The following FREM2 variants were observed in gnomAD, a reference collection of about 807,000 sequenced individuals.
FREM2 encodes the protein FRAS1 related extracellular matrix 2.
Under a neutral mutation model 219.9 loss-of-function variants are expected in FREM2, and 119 were observed. The observed-to-expected ratio is 0.54, with a 90% CI of 0.47 to 0.63. The LOEUF is 0.63. FREM2 is among the 30% of genes least tolerant of loss of function. The probability of loss-of-function intolerance (pLI) is 0.00; values close to 1 mark genes in which losing one functional copy is unlikely to be tolerated. For missense variants in FREM2, 4,030 were observed against 3,993.6 expected (o/e 1.01, Z -0.25); for synonymous variants, 1,562 against 1,522.8 (o/e 1.03, Z -0.60).
chr13:38,832,353 TTCA>T (rs1189185111), intron 6 of FREM2, among the ~76,000 whole-genome samples: 9 of 152,102 alleles, frequency 5.9e-5, no homozygotes, highest in African/African-American at 1.9e-4. Context: ...CAGGGAGAAG[TTCA>T]TCAACATTTT....
rs569787817 is a variant in FREM2, at chr13:38,838,220, G to A, written c.6020-8353G>A. On this transcript the variant is annotated intron_variant, in intron 6 of 23. Transcript: ENST00000280481. The stretch of plus-strand genomic sequence containing the variant: ...ATTTTATTTCTCCTTCACTTATGAA[G>A]CTTAGTTTGGCTGGATATGAAATTC... Among the ~76,000 whole-genome samples the A allele has an allele frequency of 9.9e-5, 15 of 152,224 alleles. No homozygotes were observed. In the East Asian group the frequency reaches 2.7e-3, roughly 27 times the overall value.
intron 6 of FREM2, among the ~76,000 whole-genome samples, chr13:38,825,003 A>G (rs1403255245): frequency 6.6e-6 from 1 of 152,072 alleles, no homozygotes; most frequent in Non-Finnish European, 1.5e-5. Context: ...GGGCTAGATC[A>G]GATCTCCCTC....
chr13:38,754,011 G>A (rs1280345714), intron 2 of FREM2, among the ~76,000 whole-genome samples: 1 of 128,810 alleles, frequency 7.8e-6, no homozygotes, highest in East Asian at 2.4e-4. Context: ...ATGGAGCTGG[G>A]GGAGGGGGCT....
At chr13:38,760,360 A>G (rs1002971281) in intron 2 of FREM2, among the ~76,000 whole-genome samples, 4 of 152,232 alleles carry the variant, frequency 2.6e-5, no homozygotes, top group Admixed American at 6.5e-5. Context: ...CTGATTAACC[A>G]GTAACCTGGC....
In FREM2 at chr13:38,786,315, T is replaced by C. The variant is rs1332671166; in HGVS notation, c.6019+1507T>C. 2.6e-5 allele frequency among the ~76,000 whole-genome samples: 4 copies of C among 152,188 alleles called. No individual in the cohort carries two copies. The East Asian group carries it at 7.7e-4, about 29-fold the overall frequency. On this transcript the variant is annotated intron_variant, in intron 6 of 23. Transcript: ENST00000280481. The stretch of plus-strand genomic sequence containing the variant: ...ACAACATCTGTGTTTTTACTGAAAA[T>C]GTTTGAAAACACGAAAAATTAGAAA...
chr13:38,703,839 T>C (rs181954475), intron 2 of FREM2, among the ~76,000 whole-genome samples: 1 of 152,328 alleles, frequency 6.6e-6, no homozygotes, highest in East Asian at 1.9e-4. Context: ...TAGGAAGATT[T>C]CTAGAAATTT....
At chr13:38,719,500 C>T (rs948600667) in intron 2 of FREM2, among the ~76,000 whole-genome samples, 1 of 152,112 alleles carries the variant, frequency 6.6e-6, no homozygotes, top group Non-Finnish European at 1.5e-5. Flanking sequence ...GGATTTCAGG[C>T]GTGAGCCACT....
At chr13:38,733,614 TTA>T (rs201681739) in intron 2 of FREM2, among the ~76,000 whole-genome samples, 5,636 of 152,230 alleles carry the variant, frequency 0.037, 154 homozygotes, top group Admixed American at 0.09. Flanking sequence ...TCAAGAAACT[TTA>T]TATATATTTA....
chr13:38,749,126 A>T (rs1299835874), intron 2 of FREM2, among the ~76,000 whole-genome samples: 1 of 152,138 alleles, frequency 6.6e-6, no homozygotes, highest in Admixed American at 6.5e-5. Flanking sequence ...TAAAACATCT[A>T]ACATGGAAAT....
intron 6 of FREM2, among the ~76,000 whole-genome samples, chr13:38,834,198 G>A (rs908613616): frequency 6.6e-6 from 1 of 151,082 alleles, no homozygotes; most frequent in African/African-American, 2.4e-5. Context: ...GCCCCAGTGT[G>A]TGATGTTCCC....
At position 38,688,480 on chromosome 13, in the gene FREM2, C is replaced by T. The variant is rs1869611758; in HGVS notation, c.1136C>T (p.Pro379Leu). The T allele has an allele frequency of 6.2e-7, 1 of 1,614,154 alleles. No homozygotes were observed. The highest frequency in any genetic ancestry group is 8.5e-7 in the Non-Finnish European group (1 of 1,180,022). The change falls in exon 1 of 24, where the codon CCC becomes CTC. Residue 379 changes from proline to leucine, a missense_variant. This residue lies in a region of FREM2 where 3,102 missense variants were observed against 2,950.7 expected (regional missense o/e 1.05). Coordinates refer to ENST00000280481, the MANE Select transcript of FREM2 (RefSeq NM_207361.6). Reference protein sequence around the residue: ...YLVSTDDRSLPLSSFTQRDLR... With the variant: ...YLVSTDDRSLLLSSFTQRDLR... ...GTGAGCACCGATGATCGCAGCCTGC[C>T]CCTTTCCTCCTTCACTCAGAGGGAT...
chr13:38,757,560 C>T (rs1873061758), intron 2 of FREM2, among the ~76,000 whole-genome samples: 1 of 151,932 alleles, frequency 6.6e-6, no homozygotes, highest in East Asian at 1.9e-4. Context: ...CTGTTTCCCT[C>T]TACGTCCTGG....
chr13:38,820,260 G>A (rs1456653448), intron 6 of FREM2, among the ~76,000 whole-genome samples: 1 of 152,104 alleles, frequency 6.6e-6, no homozygotes, highest in Admixed American at 6.6e-5. Flanking sequence ...CTCTTGTCAA[G>A]TCCTCGTGGA....
In FREM2 at chr13:38,687,764, C is replaced by A; in HGVS notation, c.420C>A (p.His140Gln). Reference protein sequence around the residue: ...DFGPGEVRYSHLGARSPSRDR... With the variant: ...DFGPGEVRYSQLGARSPSRDR... ...GCCCTGGCGAGGTGCGCTACTCTCA[C>A]CTGGGCGCGCGCAGCCCGTCTCGGG... The change falls in exon 1 of 24, where the codon CAC (histidine) becomes CAA (glutamine). Residue 140 changes from histidine (H) to glutamine (Q), a missense_variant. By Grantham distance (24) the His-to-Gln change is conservative. Around this residue, in one of 2 missense-constraint regions of FREM2, gnomAD observed 3,102 missense variants for 2,950.7 expected, o/e 1.05. Transcript: ENST00000280481. 1 of 1,541,544 alleles carries A rather than the reference C, an allele frequency of 6.5e-7. No individual in the cohort carries two copies. The highest frequency in any genetic ancestry group is 2.3e-5 in the East Asian group (1 of 43,840).
At chr13:38,725,089 A>G (rs1483964662) in intron 2 of FREM2, among the ~76,000 whole-genome samples, 1 of 152,216 alleles carries the variant, frequency 6.6e-6, no homozygotes, top group Non-Finnish European at 1.5e-5. Flanking sequence ...ACTTTGAGGA[A>G]TTGTACTTAA....
At chr13:38,695,395 G>C (rs1444374521) in intron 1 of FREM2, among the ~76,000 whole-genome samples, 1 of 152,140 alleles carries the variant, frequency 6.6e-6, no homozygotes, top group Non-Finnish European at 1.5e-5. Context: ...TTGGGTACCA[G>C]AGTGCCATAT....
intron 6 of FREM2, among the ~76,000 whole-genome samples, chr13:38,791,393 G>C (rs2137838823): frequency 6.6e-6 from 1 of 152,176 alleles, no homozygotes; most frequent in Non-Finnish European, 1.5e-5. Context: ...ATCCCTAAAA[G>C]TGCATGTATG....
intron 6 of FREM2, among the ~76,000 whole-genome samples, chr13:38,837,035 G>T (rs1876738819): frequency 6.6e-6 from 1 of 152,066 alleles, no homozygotes; most frequent in South Asian, 2.1e-4. Context: ...TGTGATGTTA[G>T]GGTGTTGATT....
rs998681929 is a variant in FREM2, at chr13:38,864,282, C to A, written c.7659C>A (p.Leu2553=). The change falls in exon 16 of 24, where the codon CTC becomes CTA. Residue 2553 remains leucine, a synonymous_variant. Transcript: ENST00000280481. ...GATTTCGATTTATCATAGGCATGCT[C>A]CCCGTGATCTCCACTAGAGAGCTTT... ...TVTMPHIDGM[L]PVISTRELSN... 2.5e-6 allele frequency: 4 copies of A among 1,613,076 alleles called. No individual in the cohort carries two copies. In the Admixed American group the frequency reaches 5.0e-5, roughly 20 times the overall value.
Sources: allele counts gnomAD v4.1 joint callset (sites outside exome capture counted in the v4.1 genomes callset), GRCh38; gene constraint gnomAD v4.1.1; regional missense constraint gnomAD v4.1.1; transcripts MANE v1.5; gene names NCBI Gene and HGNC (gene_info 2026-07-23, HGNC 2026-07-21).